SERPINA5: variants seen among roughly 807,000 people sequenced by gnomAD.
SERPINA5 encodes the protein serpin family A member 5, also known as plasma serine protease inhibitor.
A neutral mutation model predicts 25.3 loss-of-function variants in SERPINA5; 25 were observed. The observed-to-expected ratio is 0.99, with a 90% CI of 0.72 to 1.38. The LOEUF (loss-of-function observed/expected upper bound fraction) is 1.38. Among genes scored for constraint, SERPINA5 ranks in the 40% most tolerant of loss-of-function variants. The pLI is 0.00. For missense variants in SERPINA5, 599 were observed against 509.5 expected (o/e 1.18, Z -1.69); for synonymous variants, 234 against 206.2 (o/e 1.14, Z -1.16).
At chr14:94,591,544 G>A (rs2982746) in intron 5 of SERPINA5, among the ~76,000 whole-genome samples, 4 of 35,670 alleles carry the variant, frequency 1.1e-4, no homozygotes, top group Non-Finnish European at 2.1e-4. Flanking sequence ...CCTTTATTCT[G>A]TTCTGTTCTA....
Position 94,587,424 on chromosome 14 carries a change from G to T in SERPINA5, c.62G>T (p.Arg21Leu), listed in dbSNP as rs373776543. 4.3e-6 allele frequency: 7 copies of T among 1,613,896 alleles called. No individual in the cohort carries two copies. The East Asian group carries it at 1.1e-4, about 26-fold the overall frequency. The change falls in exon 3 of 6, where the codon CGC becomes CTC. Residue 21 changes from arginine (R) to leucine (L), a missense_variant. Transcript: ENST00000329597. Reference protein sequence around the residue: ...LLSPQGASLHRHHPREMKKRV... With the variant: ...LLSPQGASLHLHHPREMKKRV... ...AGCCCTCAGGGGGCCTCCCTTCACCGCCACCACCCCCGGGAGATGAAGAAG... is the reference window on the plus strand; with the variant it reads ...AGCCCTCAGGGGGCCTCCCTTCACCTCCACCACCCCCGGGAGATGAAGAAG...
chr14:94,588,042 A>G, intron 3 of SERPINA5, 61 bp downstream of exon 3: 1 of 1,554,784 alleles, frequency 6.4e-7, no homozygotes, highest in Non-Finnish European at 8.7e-7. Flanking sequence ...TTATCTAAAG[A>G]ATACCCAATT....
At chr14:94,583,671 G>A (rs1051685401) in intron 2 of SERPINA5, among the ~76,000 whole-genome samples, 2 of 152,158 alleles carry the variant, frequency 1.3e-5, no homozygotes, top group South Asian at 2.1e-4. Flanking sequence ...GTGGGCCAGC[G>A]GGAAGACTGA....
chr14:94,590,248 A>T lies in SERPINA5; in HGVS notation c.827A>T (p.Gln276Leu). Residue 276 changes from glutamine (Q) to leucine (L), a missense_variant, in exon 4 of 6, where the codon CAG (glutamine) becomes CTG (leucine). Coordinates refer to ENST00000329597, the MANE Select transcript of SERPINA5 (RefSeq NM_000624.6). ...ATTCTCCCCAGTGAGGGAAAGATGC[A>T]GCAGGTGGAGAATGGACTGAGTGAG... is the stretch of plus-strand genomic sequence containing the variant. ...LFILPSEGKMQQVENGLSEKT... is the reference protein window; with the variant it reads ...LFILPSEGKMLQVENGLSEKT... 6.2e-7 allele frequency: 1 copy of T among 1,613,602 alleles called. No individual in the cohort carries two copies. The highest frequency in any genetic ancestry group is 1.1e-5 in the South Asian group (1 of 91,052).
At chr14:94,585,764 CGTGTGTGTGTGTGTGTGT>C (rs3138588) in intron 2 of SERPINA5, among the ~76,000 whole-genome samples, 4 of 145,774 alleles carry the variant, frequency 2.7e-5, no homozygotes, top group African/African-American at 7.7e-5. Flanking sequence ...CAGGCTCACA[CGTGTGTGTGTGTGTGTGT>C]GTGTGTGTGT....
chr14:94,588,034 A>G, intron 3 of SERPINA5, 53 bp downstream of exon 3: 1 of 1,565,490 alleles, frequency 6.4e-7, no homozygotes, highest in Non-Finnish European at 8.6e-7. Context: ...TGCTGCTTTT[A>G]TCTAAAGAAT....
intron 2 of SERPINA5, among the ~76,000 whole-genome samples, chr14:94,583,402 T>C (rs1884976971): frequency 1.3e-5 from 2 of 152,182 alleles, no homozygotes; most frequent in Non-Finnish European, 2.9e-5. Context: ...GCTGATGGGC[T>C]GGAGTGGAAC....
At chr14:94,590,017 A>T (rs1425642409) in intron 3 of SERPINA5, 24 bp from the exon 4 acceptor site, 3 of 1,552,870 alleles carry the variant, frequency 1.9e-6, no homozygotes, top group Admixed American at 2.0e-5. Context: ...ATTCTTTTTC[A>T]TTTTTCCCTT....
At position 94,592,395 on chromosome 14, in the gene SERPINA5, C is replaced by A; in HGVS notation, c.*156C>A. Reference sequence around the variant, plus strand: ...TTACTCTATGATGATTGCTTCCACCCACACGACTGCAACATACAGGTGCCT... The same window carrying A: ...TTACTCTATGATGATTGCTTCCACCAACACGACTGCAACATACAGGTGCCT... On this transcript the variant is annotated 3_prime_UTR_variant, in exon 6 of 6. Transcript: ENST00000329597. 1.4e-6 allele frequency: 1 copy of A among 700,320 alleles called. No individual in the cohort carries two copies. Among genetic ancestry groups the A allele is most frequent in the African/African-American group, 1.8e-5 (1 of 56,388 alleles). The allele number at this position is 700,320 out of a possible 1,614,324, so 43.4% of individuals were successfully genotyped here. A position where few individuals can be genotyped will look rare whatever the true frequency, so the allele number is the denominator to read the frequency against.
chr14:94,587,538 C>A lies in SERPINA5; in HGVS notation c.176C>A (p.Ala59Asp), dbSNP rs1026585444. ...GACCTCTACAGGGCCTTGGCTTCCGCTGCCCCCAGCCAGAGCATCTTCTTC... is the reference window on the plus strand; with the variant it reads ...GACCTCTACAGGGCCTTGGCTTCCGATGCCCCCAGCCAGAGCATCTTCTTC... ...TFDLYRALAS[A>D]APSQSIFFSP... is the part of the protein sequence containing the mutation. The change falls in exon 3 of 6, where the codon GCT (alanine) becomes GAT (aspartate). Residue 59 changes from alanine to aspartate, a missense_variant. Transcript: ENST00000329597. The A allele has an allele frequency of 1.2e-6, 2 of 1,613,630 alleles. No individual in the cohort carries two copies. Among genetic ancestry groups the A allele is most frequent in the African/African-American group, 2.7e-5 (2 of 74,914 alleles).
At chr14:94,588,701 C>T (rs1885177994) in intron 3 of SERPINA5, among the ~76,000 whole-genome samples, 1 of 152,142 alleles carries the variant, frequency 6.6e-6, no homozygotes, top group South Asian at 2.1e-4. Flanking sequence ...TAACAAAATA[C>T]CATAAACTGG....
At chr14:94,590,389 A>G (rs1477080818) in intron 4 of SERPINA5, 78 bp downstream of exon 4, 1 of 1,468,040 alleles carries the variant, frequency 6.8e-7, no homozygotes, top group Non-Finnish European at 9.1e-7. Flanking sequence ...AGGGCCACAC[A>G]GCACTGGTGG....
At chr14:94,582,792 T>C (rs1300442349) in intron 2 of SERPINA5, among the ~76,000 whole-genome samples, 2 of 152,090 alleles carry the variant, frequency 1.3e-5, no homozygotes, top group Admixed American at 1.3e-4. Context: ...CAAATGCATA[T>C]ATAAAGGCAC....
intron 5 of SERPINA5, among the ~76,000 whole-genome samples, chr14:94,591,516 A>G (rs547554643): frequency 8.3e-6 from 1 of 120,732 alleles, no homozygotes; most frequent in Admixed American, 7.9e-5. Flanking sequence ...ATTGCAGTCC[A>G]CTCCACTGCA....
At chr14:94,591,201 C>T (rs1885275127) in intron 5 of SERPINA5, among the ~76,000 whole-genome samples, 1 of 147,580 alleles carries the variant, frequency 6.8e-6, no homozygotes, top group Admixed American at 6.7e-5. Context: ...TACTCCTCCA[C>T]TCCACATCTC....
At chr14:94,583,485 G>A (rs1395944041) in intron 2 of SERPINA5, among the ~76,000 whole-genome samples, 1 of 152,186 alleles carries the variant, frequency 6.6e-6, no homozygotes, top group Non-Finnish European at 1.5e-5. Context: ...CTGTGACTTT[G>A]TCTCTCATCT....
At chr14:94,583,917 C>G (rs886905878) in intron 2 of SERPINA5, among the ~76,000 whole-genome samples, 1 of 152,142 alleles carries the variant, frequency 6.6e-6, no homozygotes, top group Non-Finnish European at 1.5e-5. Flanking sequence ...CACCAGAGGC[C>G]CAAGAGTGCG....
Position 94,592,276 on chromosome 14 carries a change from G to T in SERPINA5, c.*37G>T. ...TCCTGAAATCTACAGGCCTCAGGGT[G>T]GGAGATGAAGGGGGCTAAGCTATGG... On this transcript the variant is annotated 3_prime_UTR_variant, in exon 6 of 6. Transcript: ENST00000329597. 1 of 1,584,610 alleles carries T rather than the reference G, an allele frequency of 6.3e-7. No homozygotes were observed. Among genetic ancestry groups the T allele is most frequent in the South Asian group, 1.2e-5 (1 of 86,944 alleles).
chr14:94,585,763 ACGTGTGTGTG>A (rs1438222762), intron 2 of SERPINA5, among the ~76,000 whole-genome samples: 2 of 100,140 alleles, frequency 2.0e-5, no homozygotes, highest in Non-Finnish European at 4.0e-5. Flanking sequence ...TCAGGCTCAC[ACGTGTGTGTG>A]TGTGTGTGTG....
Sources: allele counts gnomAD v4.1 joint callset (sites outside exome capture counted in the v4.1 genomes callset), GRCh38; gene constraint gnomAD v4.1.1; transcripts MANE v1.5; gene names NCBI Gene and HGNC (gene_info 2026-07-23, HGNC 2026-07-21).